TBC1D31: variants seen among roughly 807,000 people sequenced by gnomAD.
TBC1D31 encodes the protein TBC1 domain family member 31.
A neutral mutation model predicts 132.9 loss-of-function variants in TBC1D31; 99 were observed. The ratio of observed to expected loss-of-function variants is 0.74; its 90% CI spans 0.63 to 0.88. TBC1D31 has a LOEUF of 0.88. Among genes scored for constraint, TBC1D31 ranks in the 40% least tolerant of loss-of-function variants. The pLI is 0.00. For synonymous variants in TBC1D31, 385 were observed against 419.4 expected (o/e 0.92, Z 1.00); for missense variants, 1,134 against 1,256.6 (o/e 0.90, Z 1.48).
At position 123,093,702 on chromosome 8, in the gene TBC1D31, G is replaced by A. The variant is rs1460638424; in HGVS notation, c.631G>A (p.Glu211Lys). The change falls in exon 5 of 22, where the codon GAA becomes AAA. Residue 211 changes from glutamate (E) to lysine (K), a missense_variant. Glu to Lys is a moderately conservative substitution (Grantham distance 56). Coordinates refer to ENST00000287380, the MANE Select transcript of TBC1D31 (RefSeq NM_145647.4). The part of the protein sequence containing the change: ...FCKYQLPAPP[E>K]SSSILYKVFA... ...CAAATATCAATTGCCAGCTCCACCT[G>A]AAAGCTCTAGTATATTATACAAAGT... 6.2e-7 allele frequency: 1 copy of A among 1,610,688 alleles called. No individual in the cohort carries two copies.
rs1245906710 is a variant in TBC1D31 at position 123,084,172 on chromosome 8, G to A, written c.351G>A (p.Glu117=). 6.2e-7 allele frequency: 1 copy of A among 1,613,916 alleles called. No individual in the cohort carries two copies. The highest frequency in any genetic ancestry group is 8.5e-7 in the Non-Finnish European group (1 of 1,179,982). ...TACTTTTTACCACAGTCACCAAGGAGCTAGTTAGCTGGATGAGAGGACATG... is the reference window on the plus strand; with the variant it reads ...TACTTTTTACCACAGTCACCAAGGAACTAGTTAGCTGGATGAGAGGACATG... The part of the protein sequence containing the change: ...SIKCFDTVTK[E]LVSWMRGHES... Residue 117 remains glutamate (E), a synonymous_variant, in exon 4 of 22, where the codon GAG becomes GAA. Transcript: ENST00000287380.
Position 123,074,633 on chromosome 8 carries a change from G to A in TBC1D31, c.77+1787G>A, listed in dbSNP as rs571354411. ...GCAAGATTCAAAAAGTGAAAGAAAT[G>A]GGTTGATTATCCAAATGTCTTGTTT... is the stretch of plus-strand genomic sequence containing the variant. On this transcript the variant is annotated intron_variant, in intron 1 of 21. Transcript: ENST00000287380. Among the ~76,000 whole-genome samples, 3 of 152,314 alleles carry A rather than the reference G, an allele frequency of 2.0e-5. No homozygotes were observed. In the South Asian group the frequency reaches 6.2e-4, roughly 32 times the overall value.
At chr8:123,144,696 T>C in intron 19 of TBC1D31, 21 bp from the exon 20 acceptor site, 2 of 1,594,310 alleles carry the variant, frequency 1.3e-6, no homozygotes, top group Non-Finnish European at 8.5e-7. Context: ...GTAATCTTTT[T>C]TTCCATTTAT....
intron 20 of TBC1D31, among the ~76,000 whole-genome samples, chr8:123,148,493 T>A (rs1484705033): frequency 6.6e-6 from 1 of 151,506 alleles, no homozygotes; most frequent in Admixed American, 6.6e-5. Flanking sequence ...ATCCTAGCAA[T>A]TTGGGAGACT....
chr8:123,101,347 A>G (rs1385055100), intron 7 of TBC1D31, among the ~76,000 whole-genome samples: 1 of 152,160 alleles, frequency 6.6e-6, no homozygotes, highest in Non-Finnish European at 1.5e-5. Context: ...ATGACTTCCT[A>G]TGCCTTTATT....
In TBC1D31 at chr8:123,086,544, T is replaced by A. The variant is rs566694936; in HGVS notation, c.519+2204T>A. Among the ~76,000 whole-genome samples, 35 of 152,192 alleles carry A rather than the reference T, an allele frequency of 2.3e-4. No individual in the cohort carries two copies. In the South Asian group the frequency reaches 7.1e-3, roughly 31 times the overall value. On this transcript the variant is annotated intron_variant, in intron 4 of 21. Transcript: ENST00000287380. ...TTTGGCTGTCCCACCCTTTTGGTAG[T>A]GCCCCGGTCACTCTTCCTCCTCCAA...
At chr8:123,134,648 G>A (rs1820917142) in intron 17 of TBC1D31, among the ~76,000 whole-genome samples, 1 of 152,164 alleles carries the variant, frequency 6.6e-6, no homozygotes, top group Admixed American at 6.5e-5. Context: ...GTGCCACACA[G>A]GATTGTAAGG....
At chr8:123,145,599 A>G (rs1055448983) in intron 20 of TBC1D31, among the ~76,000 whole-genome samples, 2 of 151,916 alleles carry the variant, frequency 1.3e-5, no homozygotes, top group Admixed American at 6.6e-5. Context: ...CTGAGGCGAG[A>G]GGATCTCTTT....
chr8:123,158,018 CTTTT>C, the TBC1D31 span, among the ~76,000 whole-genome samples: 29 of 117,654 alleles, frequency 2.5e-4, no homozygotes, highest in Non-Finnish European at 3.1e-4. Flanking sequence ...TTTTTTCTTC[CTTTT>C]TTTTTTTTTT....
chr8:123,159,577 A>C, the TBC1D31 span, among the ~76,000 whole-genome samples: 1 of 152,214 alleles, frequency 6.6e-6, no homozygotes, highest in Non-Finnish European at 1.5e-5. Flanking sequence ...GGACCACCTG[A>C]GGTCGAGAGT....
Position 123,100,866 on chromosome 8 carries a change from ACTT to A in TBC1D31, c.894_896del (p.Leu299del). ...GATTTATCAATATGCAGACTTGTAA[ACTT>A]CTCTTTGAGATTGGGAGCCTCGATG... On this transcript the variant is annotated inframe_deletion, in exon 7 of 22. Transcript: ENST00000287380. 2 of 1,613,996 alleles carry A rather than the reference ACTT, an allele frequency of 1.2e-6. No homozygotes were observed.
the TBC1D31 span, among the ~76,000 whole-genome samples, chr8:123,162,171 T>C: frequency 2.6e-5 from 4 of 152,264 alleles, no homozygotes; most frequent in African/African-American, 9.6e-5. Flanking sequence ...TCCATTCTAC[T>C]TCCCCCCACA....
chr8:123,108,093 C>G (rs1378856202), intron 8 of TBC1D31, among the ~76,000 whole-genome samples: 1 of 152,122 alleles, frequency 6.6e-6, no homozygotes, highest in Non-Finnish European at 1.5e-5. Context: ...TAGGTTTTCC[C>G]TTCACCCTTC....
chr8:123,119,280 A>G (rs1291265029), intron 10 of TBC1D31, among the ~76,000 whole-genome samples: 2 of 152,266 alleles, frequency 1.3e-5, no homozygotes, highest in Non-Finnish European at 2.9e-5. Context: ...TGACTCAGCA[A>G]TTCCACTTTA....
At chr8:123,149,988 T>C in intron 20 of TBC1D31, 48 bp from the exon 21 acceptor site, 2 of 1,407,998 alleles carry the variant, frequency 1.4e-6, no homozygotes, top group Non-Finnish European at 2.0e-6. Flanking sequence ...TAGTAAGCCT[T>C]TCTACTCACT....
intron 8 of TBC1D31, among the ~76,000 whole-genome samples, chr8:123,106,563 T>C (rs1420518265): frequency 1.3e-5 from 2 of 152,232 alleles, no homozygotes; most frequent in Non-Finnish European, 2.9e-5. Flanking sequence ...GGGTTCAGTG[T>C]TATCTGAGGT....
intron 19 of TBC1D31, among the ~76,000 whole-genome samples, chr8:123,144,058 AT>A (rs201601144): frequency 0.022 from 3,341 of 152,132 alleles, 131 homozygotes; most frequent in African/African-American, 0.076. Context: ...TCCTTACCCT[AT>A]TTTGTGATTT....
downstream of TBC1D31, among the ~76,000 whole-genome samples, chr8:123,156,354 T>A (rs1255304974): frequency 6.6e-6 from 1 of 150,526 alleles, no homozygotes; most frequent in Admixed American, 6.6e-5. Context: ...GGCGGGACAA[T>A]TGGTTGAACC....
the TBC1D31 span, among the ~76,000 whole-genome samples, chr8:123,161,811 G>C: frequency 1.3e-5 from 2 of 151,988 alleles, no homozygotes; most frequent in South Asian, 4.2e-4. Flanking sequence ...GAGGTCAGAA[G>C]TTTGAGACCA....
Sources: allele counts gnomAD v4.1 joint callset (sites outside exome capture counted in the v4.1 genomes callset), GRCh38; gene constraint gnomAD v4.1.1; transcripts MANE v1.5; gene names NCBI Gene and HGNC (gene_info 2026-07-23, HGNC 2026-07-21).